The following TTN variants were observed in gnomAD, a reference collection of about 807,000 sequenced individuals.
TTN encodes titin, also known as connectin.
TTN carries 1,525 observed loss-of-function variants against 3,223.0 expected under a neutral mutation model. That is an observed-to-expected ratio of 0.47 (90% CI 0.45 to 0.49). The LOEUF is 0.49. Among genes scored for constraint, TTN ranks in the 20% least tolerant of loss-of-function variants. The pLI, the probability that TTN is intolerant of heterozygous loss-of-function variation, is 0.00. For synonymous variants in TTN, 14,094 were observed against 15,161.0 expected (o/e 0.93, Z 5.17); for missense variants, 40,786 against 43,424.0 (o/e 0.94, Z 5.40).
Position 178,567,577 on chromosome 2 carries a change from C to G in TTN, c.78555G>C (p.Lys26185Asn), listed in dbSNP as rs1474159938. The G allele has an allele frequency of 1.9e-6, 3 of 1,609,464 alleles. No individual in the cohort carries two copies. In the African/African-American group the frequency reaches 4.0e-5, roughly 22 times the overall value. ...PSDSTGPITA[K>N]DEVELPRISM... ...AAATTCTTGGGAGTTCAACCTCATCCTTGGCAGTTATTGGTCCAGTACTGT... is the reference window on the plus strand; with the variant it reads ...AAATTCTTGGGAGTTCAACCTCATCGTTGGCAGTTATTGGTCCAGTACTGT... Residue 26185 changes from lysine to asparagine, a missense_variant, in exon 326 of 363, where the codon AAG becomes AAC. Transcript: ENST00000589042.
In TTN at chr2:178,568,014, C is replaced by A. The variant is rs576341346; in HGVS notation, c.78118G>T (p.Val26040Phe). 6.8e-5 allele frequency: 110 copies of A among 1,613,350 alleles called. No individual in the cohort carries two copies. Among genetic ancestry groups the A allele is most frequent in the Non-Finnish European group, 8.9e-5 (105 of 1,179,544 alleles). ...GTGTCATGAATAATAGTTTTGTTGA[C>A]CTTTGTCCACAAAATACTGTTTCTT... ...KERNSILWTK[V>F]NKTIIHDTQF... is the part of the protein sequence containing the mutation. Residue 26040 changes from valine to phenylalanine, a missense_variant, in exon 326 of 363, where the codon GTC (valine) becomes TTC (phenylalanine). Transcript: ENST00000589042.
chr2:178,739,953 A>T lies in TTN; in HGVS notation c.13280T>A (p.Val4427Asp). Reference sequence around the variant, plus strand: ...CTCTTGGGTGATGTTTACAGCCTCGACCTCCACCTTTTCAATATTTCTTAG... The same window carrying T: ...CTCTTGGGTGATGTTTACAGCCTCGTCCTCCACCTTTTCAATATTTCTTAG... ...EWLRNIEKVE[V>D]EAVNITQEPR... Residue 4427 changes from valine (V) to aspartate (D), a missense_variant, in exon 48 of 363, where the codon GTC becomes GAC. By Grantham distance (152) the Val-to-Asp change is radical (BLOSUM62 -3). Transcript: ENST00000589042. 6.2e-7 allele frequency: 1 copy of T among 1,613,684 alleles called. No individual in the cohort carries two copies. Among genetic ancestry groups the T allele is most frequent in the Non-Finnish European group, 8.5e-7 (1 of 1,179,798 alleles).
intron 61 of TTN, 53 bp downstream of exon 61, chr2:178,730,447 AGAAAT>A: frequency 6.4e-6 from 10 of 1,554,606 alleles, no homozygotes; most frequent in Non-Finnish European, 8.7e-6. Context: ...GTGAAAATTT[AGAAAT>A]GAAACAAAAA....
chr2:178,596,171 A>T (rs1201447697), intron 294 of TTN, among the ~76,000 whole-genome samples: 1 of 151,708 alleles, frequency 6.6e-6, no homozygotes, highest in Non-Finnish European at 1.5e-5. Context: ...TTGCATTTTT[A>T]GTAGAGACAG....
chr2:178,574,581 GT>G lies in TTN; in HGVS notation c.71550del (p.Leu23851PhefsTer9), dbSNP rs1709406368. The stretch of plus-strand genomic sequence containing the variant: ...AAAATGGGGCTTCCACCATCAGAAA[GT>G]GGCTCATGCCAGCTAATTGTCATTG... ...KDSMTISWHE[P>X]LSDGGSPILG... is the part of the protein sequence containing the mutation. On this transcript the variant is annotated frameshift_variant, in exon 326 of 363. Transcript: ENST00000589042. LOFTEE classifies it high-confidence loss of function. 6.2e-7 allele frequency: 1 copy of G among 1,613,402 alleles called. No individual in the cohort carries two copies. Among genetic ancestry groups the G allele is most frequent in the Non-Finnish European group, 8.5e-7 (1 of 1,179,614 alleles).
intron 65 of TTN, 49 bp from the exon 66 acceptor site, chr2:178,728,827 G>C (rs1560765074): frequency 3.8e-6 from 6 of 1,576,062 alleles, no homozygotes; most frequent in Non-Finnish European, 5.2e-6. Context: ...AACTCCACTA[G>C]AAATAATGTC....
In TTN at chr2:178,634,177, A is replaced by G. The variant is rs2060139607; in HGVS notation, c.42416-94T>C. 2 of 1,531,364 alleles carry G rather than the reference A, an allele frequency of 1.3e-6. No homozygotes were observed. Among genetic ancestry groups the G allele is most frequent in the Admixed American group, 2.3e-5 (1 of 43,436 alleles). The allele number at this position is 1,531,364 out of a possible 1,614,324, so 94.9% of individuals were successfully genotyped here. A position where few individuals can be genotyped will look rare whatever the true frequency, so the allele number is the denominator to read the frequency against. ...CCTGAGTAAAAGGGACCCATTTCAC[A>G]TGGCACTTATTTATTCATCTTTCCA... On this transcript the variant is annotated intron_variant, in intron 230 of 362. Transcript: ENST00000589042. The surrounding 1 kb of genome is among the most constrained non-coding windows in gnomAD (Gnocchi z 4.6).
rs1292302676 is a variant in TTN at position 178,775,056 on chromosome 2, T to G, written c.6655A>C (p.Lys2219Gln). ...TTTCTGTCAGAGTGCATCCTGTATT[T>G]ATCTCCCTCATGAACCTCCATACCA... ...KDGMEVHEGD[K>Q]YRMHSDRKVH... Residue 2219 changes from lysine (K) to glutamine (Q), a missense_variant, in exon 29 of 363, where the codon AAA becomes CAA. Coordinates refer to ENST00000589042, the MANE Select transcript of TTN (RefSeq NM_001267550.2). 1.9e-6 allele frequency: 3 copies of G among 1,613,956 alleles called. No individual in the cohort carries two copies. The highest frequency in any genetic ancestry group is 2.7e-5 in the African/African-American group (2 of 74,924).
chr2:178,701,041 T>C (rs2074876177), intron 111 of TTN, 79 bp downstream of exon 111: 1 of 1,345,564 alleles, frequency 7.4e-7, no homozygotes, highest in Non-Finnish European at 1.0e-6. Context: ...AGAGGGCCAA[T>C]GCGTTGTATT....
Position 178,616,493 on chromosome 2 carries a change from T to C in TTN, c.48298A>G (p.Lys16100Glu). The change falls in exon 257 of 363, where the codon AAA (lysine) becomes GAA (glutamate). Residue 16100 changes from lysine to glutamate, a missense_variant. Transcript: ENST00000589042. ...YVVEKREVSR[K>E]TWTKVMDFVT... ...TCAAAACTCACTTTAGTCCATGTTT[T>C]CCGGCTGACTTCTCGTTTTTCAACA... 1 of 1,612,252 alleles carries C rather than the reference T, an allele frequency of 6.2e-7. No individual in the cohort carries two copies. The highest frequency in any genetic ancestry group is 1.1e-5 in the South Asian group (1 of 90,994).
rs1173664833 is a variant in TTN, at chr2:178,611,356, G to T, written c.50857+16C>A. ...AAAGGGTATTTTATTAACTATAAAA[G>T]ACCTTGTGCTCTTACAGTCTGGGTC... On this transcript the variant is annotated intron_variant, in intron 269 of 362. Coordinates refer to ENST00000589042, the MANE Select transcript of TTN (RefSeq NM_001267550.2). 5 of 1,611,956 alleles carry T rather than the reference G, an allele frequency of 3.1e-6. No individual in the cohort carries two copies. In the Middle Eastern group the frequency reaches 5.0e-4, roughly 160 times the overall value.
At position 178,714,147 on chromosome 2, in the gene TTN, T is replaced by A. The variant is rs1457622129; in HGVS notation, c.26511A>T (p.Glu8837Asp). The A allele has an allele frequency of 6.2e-7, 1 of 1,611,956 alleles. No homozygotes were observed. The highest frequency in any genetic ancestry group is 1.3e-5 in the African/African-American group (1 of 74,876). The change falls in exon 92 of 363, where the codon GAA becomes GAT. Residue 8837 changes from glutamate to aspartate, a missense_variant. Transcript: ENST00000589042. The stretch of plus-strand genomic sequence containing the variant: ...TGTCTCCCGTGGTAACTTTTATGGA[T>A]TCTGGCTTTTCTACAATTGTTGCAG... ...LEPATIVEKP[E>D]SIKVTTGDTC... is the part of the protein sequence containing the mutation.
chr2:178,614,530 T>C lies in TTN; in HGVS notation c.48984A>G (p.Thr16328=), dbSNP rs1172891900. 1.2e-6 allele frequency: 2 copies of C among 1,612,336 alleles called. No individual in the cohort carries two copies. The highest frequency in any genetic ancestry group is 1.7e-6 in the Non-Finnish European group (2 of 1,179,176). Reference sequence around the variant, plus strand: ...ACACATTCACAGCCTCAATGATATATGTGCCAGTGTCACTTCTCTTACTAT... The same window carrying C: ...ACACATTCACAGCCTCAATGATATACGTGCCAGTGTCACTTCTCTTACTAT... ...IVDSKRSDTG[T]YIIEAVNVCG... The change falls in exon 261 of 363, where the codon ACA becomes ACG. Residue 16328 remains threonine, a synonymous_variant. Coordinates refer to ENST00000589042, the MANE Select transcript of TTN (RefSeq NM_001267550.2).
intron 121 of TTN, 150 bp from the exon 122 acceptor site, chr2:178,690,046 T>C (rs754638534): frequency 1.4e-5 from 9 of 643,208 alleles, no homozygotes; most frequent in Middle Eastern, 2.8e-4. Context: ...AAACTAACTA[T>C]ACTATTCCAA....
chr2:178,592,393 T>G lies in TTN; in HGVS notation c.59612A>C (p.Lys19871Thr), dbSNP rs756249207. The change falls in exon 301 of 363, where the codon AAA becomes ACA. Residue 19871 changes from lysine (K) to threonine (T), a missense_variant. Coordinates refer to ENST00000589042, the MANE Select transcript of TTN (RefSeq NM_001267550.2). Reference protein sequence around the residue: ...NPAGSKTVSVKVLVLDKPGPP... With the variant: ...NPAGSKTVSVTVLVLDKPGPP... ...AAAATTCTTACCTAATACAAGTACTTTTACTGAGACAGTTTTTGAACCAGC... is the reference window on the plus strand; with the variant it reads ...AAAATTCTTACCTAATACAAGTACTGTTACTGAGACAGTTTTTGAACCAGC... 2 of 1,612,898 alleles carry G rather than the reference T, an allele frequency of 1.2e-6. No individual in the cohort carries two copies. Among genetic ancestry groups the G allele is most frequent in the Admixed American group, 3.3e-5 (2 of 59,890 alleles).
At chr2:178,639,929 G>C in intron 222 of TTN, 119 bp downstream of exon 222, 1 of 1,451,134 alleles carries the variant, frequency 6.9e-7, no homozygotes. Flanking sequence ...TAAGCATTTT[G>C]AGACGTTAGA....
At chr2:178,801,764 G>A (rs2094076278) in intron 3 of TTN, among the ~76,000 whole-genome samples, 1 of 152,166 alleles carries the variant, frequency 6.6e-6, no homozygotes, top group Admixed American at 6.5e-5. Flanking sequence ...CTGGATGCTT[G>A]TTAAAGTGTG....
intron 37 of TTN, 150 bp from the exon 38 acceptor site, chr2:178,769,083 T>TACTATACAGGACAGTGC (rs2091037992): frequency 1.1e-6 from 1 of 880,564 alleles, no homozygotes; most frequent in East Asian, 2.6e-5. Context: ...ACCTTCCATG[T>TACTATACAGGACAGTGC]ACTATACAGG....
At position 178,636,080 on chromosome 2, in the gene TTN, T is replaced by C. The variant is rs1223688724; in HGVS notation, c.41491A>G (p.Ile13831Val). The change falls in exon 226 of 363, where the codon ATT becomes GTT. Residue 13831 changes from isoleucine to valine, a missense_variant. Physicochemically the swap from Ile to Val is conservative, Grantham distance 29. Coordinates refer to ENST00000589042, the MANE Select transcript of TTN (RefSeq NM_001267550.2). This position sits in a 1 kb window ranked among gnomAD's most constrained non-coding sequence, Gnocchi z 4.3. ...ATGGTCAGAGCCCGCATCAAGCCAA[T>C]GACGCCTGGCACAATTCGGCCAGGT... ...EKPGRIVPGV[I>V]GLMRALTIND... 6.2e-7 allele frequency: 1 copy of C among 1,613,296 alleles called. No homozygotes were observed. The highest frequency in any genetic ancestry group is 8.5e-7 in the Non-Finnish European group (1 of 1,179,542).
Sources: allele counts gnomAD v4.1 joint callset (sites outside exome capture counted in the v4.1 genomes callset), GRCh38; gene constraint gnomAD v4.1.1; non-coding constraint Gnocchi (gnomAD v3.1); transcripts MANE v1.5; gene names NCBI Gene and HGNC (gene_info 2026-07-23, HGNC 2026-07-21).